Variants in NR2F1-AS1 observed in about 807,000 individuals in gnomAD.
NR2F1-AS1 encodes NR2F1 regulatory antisense RNA 1.
intron 4 of NR2F1-AS1, among the ~76,000 whole-genome samples, chr5:93,422,626 A>G (rs950018095): frequency 6.6e-6 from 1 of 152,136 alleles, no homozygotes; most frequent in Non-Finnish European, 1.5e-5. Context: ...ATCATTTTTA[A>G]TATTTTTATC....
chr5:93,502,096 T>C (rs1751091986), intron 4 of NR2F1-AS1, among the ~76,000 whole-genome samples: 1 of 152,212 alleles, frequency 6.6e-6, no homozygotes, highest in Non-Finnish European at 1.5e-5. Flanking sequence ...TGTAAACTGT[T>C]TTTTTAGACA....
At chr5:93,457,441 G>A (rs1049932718) in intron 4 of NR2F1-AS1, among the ~76,000 whole-genome samples, 2 of 152,156 alleles carry the variant, frequency 1.3e-5, no homozygotes, top group Non-Finnish European at 2.9e-5. Flanking sequence ...CCAGCACAGG[G>A]TTAAGGGTAG....
intron 4 of NR2F1-AS1, among the ~76,000 whole-genome samples, chr5:93,491,197 G>T (rs1750840272): frequency 6.6e-6 from 1 of 150,798 alleles, no homozygotes; most frequent in Non-Finnish European, 1.5e-5. Flanking sequence ...CAGTGGTGGT[G>T]GTTGTTCCCG....
chr5:93,521,135 A>G lies in NR2F1-AS1; in HGVS notation n.638+32626T>C, dbSNP rs545143452. On this transcript the variant is annotated intron_variant and non_coding_transcript_variant, in intron 4 of 5. Transcript: ENST00000660523. ...CAATGGGGAAAAGACTCGCTATTCA[A>G]TAAATGATGCTGGGATAACTGGCTA... Among the ~76,000 whole-genome samples the G allele has an allele frequency of 3.9e-5, 6 of 152,330 alleles. No homozygotes were observed. The South Asian group carries it at 1.0e-3, about 26-fold the overall frequency.
At chr5:93,454,223 G>A (rs1312989398) in intron 4 of NR2F1-AS1, among the ~76,000 whole-genome samples, 2 of 152,160 alleles carry the variant, frequency 1.3e-5, no homozygotes, top group Non-Finnish European at 2.9e-5. Flanking sequence ...GGAGGCTGTA[G>A]TGAGACATGA....
chr5:93,409,817 C>T (rs1748812846), intron 4 of NR2F1-AS1: 1 of 152,088 alleles, frequency 6.6e-6, no homozygotes, highest in South Asian at 2.1e-4. Context: ...ACTTTAAATC[C>T]AGTTTATACA....
intron 4 of NR2F1-AS1, among the ~76,000 whole-genome samples, chr5:93,418,310 A>T (rs987230806): frequency 6.6e-6 from 1 of 152,100 alleles, no homozygotes; most frequent in Non-Finnish European, 1.5e-5. Context: ...CATAAAGTAT[A>T]AAAGAATAAA....
chr5:93,524,107 G>T (rs1456070494), intron 4 of NR2F1-AS1, among the ~76,000 whole-genome samples: 1 of 151,858 alleles, frequency 6.6e-6, no homozygotes, highest in Non-Finnish European at 1.5e-5. Flanking sequence ...TAAGAACCTT[G>T]AAAAAAGGTA....
chr5:93,568,250 G>C lies in NR2F1-AS1; in HGVS notation n.314-4787C>G, dbSNP rs188127391. On this transcript the variant is annotated intron_variant and non_coding_transcript_variant, in intron 1 of 5. Transcript: ENST00000660523. The stretch of plus-strand genomic sequence containing the variant: ...CATAATGTAGTTGACAGTGTTGGAA[G>C]ATAAATGTGGTTTTCTTTTACAAAT... 8.0e-4 allele frequency among the ~76,000 whole-genome samples: 122 copies of C among 152,292 alleles called. 1 individual carries two copies. The highest frequency in any genetic ancestry group is 3.4e-3 in the Middle Eastern group (1 of 294).
chr5:93,527,319 C>A (rs1431153349), intron 4 of NR2F1-AS1, among the ~76,000 whole-genome samples: 2 of 152,114 alleles, frequency 1.3e-5, no homozygotes, highest in Non-Finnish European at 2.9e-5. Flanking sequence ...AGGAGAACTA[C>A]AAACCACTGC....
chr5:93,528,573 C>A (rs1206564534), intron 4 of NR2F1-AS1, among the ~76,000 whole-genome samples: 1 of 152,170 alleles, frequency 6.6e-6, no homozygotes, highest in African/African-American at 2.4e-5. Context: ...GATTATAAAT[C>A]ATTCTACTAT....
chr5:93,472,462 A>G (rs1240824748), intron 4 of NR2F1-AS1, among the ~76,000 whole-genome samples: 1 of 151,932 alleles, frequency 6.6e-6, no homozygotes, highest in Non-Finnish European at 1.5e-5. Context: ...TGACTAAAAT[A>G]AAAATAGAAA....
intron 4 of NR2F1-AS1, among the ~76,000 whole-genome samples, chr5:93,494,294 C>G (rs1375261158): frequency 2.0e-5 from 3 of 151,994 alleles, no homozygotes; most frequent in African/African-American, 7.3e-5. Context: ...GAATGAGATG[C>G]CATTTCACAC....
chr5:93,574,698 C>T (rs1240967784), intron 1 of NR2F1-AS1, among the ~76,000 whole-genome samples: 2 of 152,124 alleles, frequency 1.3e-5, no homozygotes, highest in Non-Finnish European at 1.5e-5. Context: ...TTTCCCCTTC[C>T]TTTCTTATAT....
chr5:93,418,184 C>T (rs1372955841), intron 4 of NR2F1-AS1, among the ~76,000 whole-genome samples: 1 of 152,156 alleles, frequency 6.6e-6, no homozygotes, highest in African/African-American at 2.4e-5. Flanking sequence ...CTCAATAGGT[C>T]ACCTACTTCC....
chr5:93,436,303 C>G (rs1464046347), intron 4 of NR2F1-AS1, among the ~76,000 whole-genome samples: 2 of 152,158 alleles, frequency 1.3e-5, no homozygotes, highest in Non-Finnish European at 2.9e-5. Context: ...TCATTCAACA[C>G]AGAAACTCAC....
intron 4 of NR2F1-AS1, among the ~76,000 whole-genome samples, chr5:93,536,796 C>A (rs1187822524): frequency 1.3e-5 from 2 of 152,170 alleles, no homozygotes; most frequent in Non-Finnish European, 2.9e-5. Context: ...TGTCCTCACC[C>A]AAATCTCATC....
At chr5:93,453,797 CCAGA>C (rs1749888794) in intron 4 of NR2F1-AS1, among the ~76,000 whole-genome samples, 3 of 152,044 alleles carry the variant, frequency 2.0e-5, no homozygotes, top group Non-Finnish European at 2.9e-5. Context: ...CAGACCTTTT[CCAGA>C]CAGACAAATA....
chr5:93,498,083 G>A (rs1751002454), intron 4 of NR2F1-AS1, among the ~76,000 whole-genome samples: 1 of 152,102 alleles, frequency 6.6e-6, no homozygotes, highest in African/African-American at 2.4e-5. Context: ...CAGCACTTTA[G>A]GAGGCCAAGG....
Sources: allele counts gnomAD v4.1 joint callset (sites outside exome capture counted in the v4.1 genomes callset), GRCh38; gene constraint gnomAD v4.1.1; transcripts MANE v1.5; gene names NCBI Gene and HGNC (gene_info 2026-07-23, HGNC 2026-07-21).